Variants in S100PBP observed in about 807,000 individuals in gnomAD.
S100PBP encodes the protein S100P binding protein.
A neutral mutation model predicts 39.9 loss-of-function variants in S100PBP; 15 were observed. The observed-to-expected ratio is 0.38, with a 90% CI of 0.25 to 0.58. S100PBP has a LOEUF of 0.58. Ranked by LOEUF, S100PBP falls within the 20% of genes least tolerant of loss-of-function variation. The pLI, the probability that S100PBP is intolerant of heterozygous loss-of-function variation, is 0.70. For synonymous variants in S100PBP, 178 were observed against 180.3 expected (o/e 0.99, Z 0.10); for missense variants, 504 against 487.3 (o/e 1.03, Z -0.32).
At chr1:32,842,221 G>GTATATATATATGTATATATA (rs1640140943) in intron 5 of S100PBP, among the ~76,000 whole-genome samples, 5 of 91,758 alleles carry the variant, frequency 5.4e-5, no homozygotes, top group African/African-American at 8.5e-5. Flanking sequence ...ATATATATAT[G>GTATATATATATGTATATATA]TATATATATA....
intron 2 of S100PBP, 48 bp from the exon 3 acceptor site, chr1:32,826,050 A>G: frequency 7.4e-7 from 1 of 1,357,412 alleles, no homozygotes; most frequent in South Asian, 1.4e-5. Flanking sequence ...TGGAGTTGGT[A>G]TAAGGTTATT....
intron 5 of S100PBP, chr1:32,852,745 C>G (rs1640664017): frequency 4.8e-6 from 1 of 206,234 alleles, no homozygotes; most frequent in Non-Finnish European, 1.0e-5. Context: ...GCATTTATCA[C>G]ACCACTTTGG....
chr1:32,827,055 C>A, intron 3 of S100PBP, 125 bp downstream of exon 3: 1 of 643,782 alleles, frequency 1.6e-6, no homozygotes, highest in Non-Finnish European at 2.6e-6. Context: ...GCATCCTACA[C>A]CACAGTGGTA....
intron 5 of S100PBP, among the ~76,000 whole-genome samples, chr1:32,838,937 C>T (rs1355700026): frequency 1.3e-5 from 2 of 151,180 alleles, no homozygotes; most frequent in African/African-American, 4.9e-5. Context: ...TCAATAATTT[C>T]TTGGTCTTGC....
At chr1:32,839,476 A>T (rs756323466) in intron 5 of S100PBP, among the ~76,000 whole-genome samples, 6 of 152,142 alleles carry the variant, frequency 3.9e-5, no homozygotes, top group Non-Finnish European at 7.3e-5. Flanking sequence ...CCTGCTTGCA[A>T]TTCTTACATA....
intron 6 of S100PBP, among the ~76,000 whole-genome samples, chr1:32,853,973 A>C (rs1640726958): frequency 6.6e-6 from 1 of 152,238 alleles, no homozygotes; most frequent in South Asian, 2.1e-4. Context: ...ACTTGGTGTC[A>C]AAGGACCTTC....
rs571638312 is a variant in S100PBP, at chr1:32,829,908, C to G, written c.921-56C>G. 5 of 1,232,348 alleles carry G rather than the reference C, an allele frequency of 4.1e-6. No homozygotes were observed. In the Admixed American group the frequency reaches 8.6e-5, roughly 21 times the overall value. The allele number at this position is 1,232,348 out of a possible 1,614,324, so 76.3% of individuals were successfully genotyped here. A position where few individuals can be genotyped will look rare whatever the true frequency, so the allele number is the denominator to read the frequency against. ...GTATATCACTTCTCTCTACAAAACG[C>G]TATATTCCTGTTTCTAATGGGCTGT... On this transcript the variant is annotated intron_variant, in intron 4 of 6. Coordinates refer to ENST00000373475, the MANE Select transcript of S100PBP (RefSeq NM_022753.4).
intron 5 of S100PBP, among the ~76,000 whole-genome samples, chr1:32,838,714 G>A (rs536829089): frequency 6.6e-6 from 1 of 152,020 alleles, no homozygotes; most frequent in Non-Finnish European, 1.5e-5. Context: ...GTGGTGGCAG[G>A]TGCCTGCAAT....
chr1:32,841,017 T>C (rs1640065750), intron 5 of S100PBP, among the ~76,000 whole-genome samples: 1 of 151,708 alleles, frequency 6.6e-6, no homozygotes, highest in African/African-American at 2.4e-5. Flanking sequence ...AAAAAGTAGC[T>C]GGGCATGGTG....
upstream of S100PBP, chr1:32,817,573 C>A: frequency 2.0e-6 from 1 of 505,232 alleles, no homozygotes; most frequent in Non-Finnish European, 3.6e-6. Context: ...TTTGCCCTCC[C>A]CCTGGTGTTG....
At chr1:32,832,635 G>T (rs762330866) in intron 5 of S100PBP, among the ~76,000 whole-genome samples, 16 of 152,202 alleles carry the variant, frequency 1.1e-4, no homozygotes, top group South Asian at 2.1e-4. Context: ...TTGCAAGGGC[G>T]GGGGTGGTAT....
At chr1:32,818,029 T>C (rs1638833524) in intron 1 of S100PBP, 1 of 152,794 alleles carries the variant, frequency 6.5e-6, no homozygotes, top group African/African-American at 2.4e-5. Flanking sequence ...CGGGAGGCTG[T>C]TGCTGGCGGG....
chr1:32,839,573 G>C (rs1308321496), intron 5 of S100PBP, among the ~76,000 whole-genome samples: 1 of 152,138 alleles, frequency 6.6e-6, no homozygotes, highest in East Asian at 1.9e-4. Flanking sequence ...TGTCACCCAG[G>C]CTGGAGTGCA....
Position 32,826,735 on chromosome 1 carries a change from C to G in S100PBP, c.636C>G (p.Leu212=), listed in dbSNP as rs1231525880. 5.0e-6 allele frequency: 8 copies of G among 1,614,058 alleles called. No individual in the cohort carries two copies. In the African/African-American group the frequency reaches 6.7e-5, roughly 13 times the overall value. ...ACTCTGCCTGGAATGGGCCCCAGCTCTCTTCTTCAAACAATAACTTTCAAC... is the reference window on the plus strand; with the variant it reads ...ACTCTGCCTGGAATGGGCCCCAGCTGTCTTCTTCAAACAATAACTTTCAAC... ...PNNSAWNGPQ[L]SSSNNNFQQT... Residue 212 remains leucine, a synonymous_variant, in exon 3 of 7, where the codon CTC becomes CTG. Coordinates refer to ENST00000373475, the MANE Select transcript of S100PBP (RefSeq NM_022753.4).
chr1:32,827,053 C>T, intron 3 of S100PBP, 123 bp downstream of exon 3: 1 of 651,670 alleles, frequency 1.5e-6, no homozygotes, highest in Non-Finnish European at 2.6e-6. Context: ...GGGCATCCTA[C>T]ACCACAGTGG....
intron 1 of S100PBP, among the ~76,000 whole-genome samples, chr1:32,819,987 C>T (rs1413141514): frequency 2.6e-5 from 4 of 151,870 alleles, no homozygotes; most frequent in Non-Finnish European, 5.9e-5. Context: ...CATAATTTGC[C>T]GGATATTTCA....
At chr1:32,817,765 G>A (rs892770085) in intron 1 of S100PBP, 76 bp downstream of exon 1, 1 of 187,882 alleles carries the variant, frequency 5.3e-6, no homozygotes, top group Non-Finnish European at 1.1e-5. Flanking sequence ...GCTTCTCCAG[G>A]GGGTTGCGCA....
intron 5 of S100PBP, among the ~76,000 whole-genome samples, chr1:32,831,340 A>G (rs1385034452): frequency 1.3e-5 from 2 of 151,664 alleles, no homozygotes; most frequent in African/African-American, 4.8e-5. Context: ...TGTTTGGGAA[A>G]AGTGGAAGAT....
chr1:32,856,354 C>G lies in S100PBP; in HGVS notation c.*316C>G, dbSNP rs1482171899. ...AGCATTAAGCCAGAACACCCAGGTT[C>G]AAGCAAAAGACCCACCTCTCTGCAG... On this transcript the variant is annotated 3_prime_UTR_variant, in exon 7 of 7. Coordinates refer to ENST00000373475, the MANE Select transcript of S100PBP (RefSeq NM_022753.4). 1 of 177,890 alleles carries G rather than the reference C, an allele frequency of 5.6e-6. No individual in the cohort carries two copies. The highest frequency in any genetic ancestry group is 1.6e-4 in the East Asian group (1 of 6,194). 11.0% of individuals were successfully genotyped at this position (177,890 alleles called of 1,614,324 possible). A position where few individuals can be genotyped will look rare whatever the true frequency, so the allele number is the denominator to read the frequency against.
Sources: gnomAD v4.1 joint callset for allele counts (sites outside exome capture counted in the v4.1 genomes callset) on GRCh38, gnomAD v4.1.1 for gene constraint, MANE v1.5 for transcripts, NCBI Gene and HGNC (gene_info 2026-07-23, HGNC 2026-07-21) for gene names.